The following NOMO1 variants were observed in gnomAD, a reference collection of about 807,000 sequenced individuals.
The protein encoded by NOMO1 is NODAL modulator 1, also known as nodal modulator 3.
In NOMO1, 40 loss-of-function variants were observed where a neutral mutation model predicts 133.8. The ratio of observed to expected loss-of-function variants is 0.30; its 90% CI spans 0.23 to 0.39. The LOEUF is 0.39. Among genes scored for constraint, NOMO1 ranks in the 10% least tolerant of loss-of-function variants. The pLI, the probability that NOMO1 is intolerant of heterozygous loss-of-function variation, is 1.00. For missense variants in NOMO1, 462 were observed against 1,419.9 expected, an observed-to-expected ratio of 0.33 and a Z score of 10.84; for synonymous variants, 236 against 570.5, an observed-to-expected ratio of 0.41 and a Z score of 8.36.
At chr16:14,852,723 G>A (rs1455835322) in intron 7 of NOMO1, 141 bp downstream of exon 7, 15 of 1,422,966 alleles carry the variant, frequency 1.1e-5, no homozygotes, top group Middle Eastern at 2.6e-4. Context: ...GTCTCAGGCC[G>A]GGTGTGGTAG....
At chr16:14,877,157 T>TG (rs1353156199) in intron 22 of NOMO1, among the ~76,000 whole-genome samples, 11 of 138,534 alleles carry the variant, frequency 7.9e-5, no homozygotes, top group African/African-American at 1.6e-4. Context: ...ATACTGTTGT[T>TG]TTTTTTTTTT....
intron 4 of NOMO1, among the ~76,000 whole-genome samples, chr16:14,845,534 A>G (rs1963667100): frequency 6.6e-6 from 1 of 151,970 alleles, no homozygotes; most frequent in South Asian, 2.1e-4. Context: ...TTGGACCGCC[A>G]CGGTGGTGTG....
chr16:14,857,706 G>A (rs925184608), intron 11 of NOMO1, 51 bp downstream of exon 11: 12 of 1,612,524 alleles, frequency 7.4e-6, no homozygotes, highest in Non-Finnish European at 9.3e-6. Flanking sequence ...CTGGCAGCCA[G>A]TGTAGAACCG....
intron 1 of NOMO1, among the ~76,000 whole-genome samples, chr16:14,837,621 T>G (rs1050360365): frequency 6.6e-6 from 1 of 151,474 alleles, no homozygotes; most frequent in African/African-American, 2.4e-5. Flanking sequence ...ATTAAGTTTC[T>G]AGATGAATGT....
rs182866351 is a variant in NOMO1 at position 14,887,320 on chromosome 16, G to A, written c.3324+458G>A. Among the ~76,000 whole-genome samples, 1,179 of 150,310 alleles carry A rather than the reference G, an allele frequency of 7.8e-3. 14 individuals carry two copies. Among genetic ancestry groups the A allele is most frequent in the Admixed American group, 0.011 (167 of 15,128 alleles). On this transcript the variant is annotated intron_variant, in intron 28 of 30. Coordinates refer to ENST00000287667, the MANE Select transcript of NOMO1 (RefSeq NM_014287.4). ...TTCTTTTTTTTTTTTTTGAGACGGA[G>A]TCTCGCCTTGTCGCCCAGGCTGGAG...
At chr16:14,840,673 T>C (rs1963592775) in intron 2 of NOMO1, among the ~76,000 whole-genome samples, 1 of 150,044 alleles carries the variant, frequency 6.7e-6, no homozygotes, top group African/African-American at 2.5e-5. Context: ...AGTTAATGTA[T>C]TGTTTAGAGA....
chr16:14,880,067 C>T lies in NOMO1; in HGVS notation c.2810C>T (p.Pro937Leu), dbSNP rs371366723. 4.4e-5 allele frequency: 71 copies of T among 1,610,868 alleles called. No individual in the cohort carries two copies. The highest frequency in any genetic ancestry group is 5.9e-5 in the Non-Finnish European group (70 of 1,179,698). Residue 937 changes from proline to leucine, a missense_variant, in exon 24 of 31, where the codon CCA becomes CTA. By Grantham distance (98) the Pro-to-Leu change is moderately conservative. Coordinates refer to ENST00000287667, the MANE Select transcript of NOMO1 (RefSeq NM_014287.4). ...KPMMKEFRFEPSSQMIEVQEG... is the reference protein window; with the variant it reads ...KPMMKEFRFELSSQMIEVQEG... Reference sequence around the variant, plus strand: ...ATGATGAAGGAGTTCCGGTTTGAGCCATCCTCACAGATGATCGAGGTGCAG... The same window carrying T: ...ATGATGAAGGAGTTCCGGTTTGAGCTATCCTCACAGATGATCGAGGTGCAG...
At chr16:14,888,686 C>T (rs1416286557) in intron 28 of NOMO1, 2 of 301,038 alleles carry the variant, frequency 6.6e-6, no homozygotes, top group African/African-American at 2.2e-5. Flanking sequence ...TGCCAGCTTA[C>T]GAGCCTCTCA....
chr16:14,887,580 G>A (rs528800842), intron 28 of NOMO1, among the ~76,000 whole-genome samples: 8 of 151,816 alleles, frequency 5.3e-5, no homozygotes, highest in Admixed American at 3.9e-4. Flanking sequence ...GATTACAGGC[G>A]TGAGCCCCCG....
chr16:14,885,669 C>T (rs1222164206), intron 27 of NOMO1, among the ~76,000 whole-genome samples: 9 of 150,694 alleles, frequency 6.0e-5, no homozygotes, highest in Admixed American at 6.6e-5. Flanking sequence ...GGGTGGGGGG[C>T]AAACTGGGGA....
At chr16:14,866,862 T>C (rs921996951) in intron 15 of NOMO1, among the ~76,000 whole-genome samples, 171 bp downstream of exon 15, 2 of 149,948 alleles carry the variant, frequency 1.3e-5, no homozygotes, top group African/African-American at 5.0e-5. Flanking sequence ...TTATACTCTC[T>C]CAGTGGAAGG....
chr16:14,836,113 A>C lies in NOMO1; in HGVS notation c.165+2097A>C, dbSNP rs138132481. ...AGCCAGCCGATCTTTAGGCTGCCACACTTGGCTTGGGTTTTGTAGTGATCT... is the reference window on the plus strand; with the variant it reads ...AGCCAGCCGATCTTTAGGCTGCCACCCTTGGCTTGGGTTTTGTAGTGATCT... On this transcript the variant is annotated intron_variant, in intron 1 of 30. Transcript: ENST00000287667. 9.4e-3 allele frequency among the ~76,000 whole-genome samples: 1,432 copies of C among 152,178 alleles called. 35 individuals carry two copies. The highest frequency in any genetic ancestry group is 0.031 in the African/African-American group (1,302 of 41,478).
intron 6 of NOMO1, among the ~76,000 whole-genome samples, chr16:14,850,076 T>G (rs575526274): frequency 7.1e-6 from 1 of 141,070 alleles, no homozygotes; most frequent in African/African-American, 2.6e-5. Context: ...GGATACAGTC[T>G]TTTTTTTTTT....
At chr16:14,889,269 C>T (rs1162698880) in intron 29 of NOMO1, 54 bp downstream of exon 29, 22 of 1,611,392 alleles carry the variant, frequency 1.4e-5, no homozygotes, top group Admixed American at 3.3e-5. Context: ...TGGTGGCTCA[C>T]GCCTGTAATC....
intron 11 of NOMO1, 132 bp from the exon 12 acceptor site, chr16:14,862,879 TTC>T (rs1963939789): frequency 6.4e-6 from 6 of 938,134 alleles, no homozygotes; most frequent in Non-Finnish European, 9.8e-6. Flanking sequence ...CTGGACTGCA[TTC>T]TGTCTCTTCA....
chr16:14,855,994 TAAA>T (rs1963828297), intron 9 of NOMO1, among the ~76,000 whole-genome samples: 1 of 151,650 alleles, frequency 6.6e-6, no homozygotes. Flanking sequence ...AATAAAAAAA[TAAA>T]AAAGAAGGGC....
intron 18 of NOMO1, among the ~76,000 whole-genome samples, chr16:14,873,473 A>C (rs1375462029): frequency 7.0e-6 from 1 of 143,858 alleles, no homozygotes; most frequent in African/African-American, 2.5e-5. Context: ...ATGGCACTAA[A>C]GTGACCACTG....
chr16:14,888,639 C>T (rs991097082), intron 28 of NOMO1: 2 of 287,678 alleles, frequency 7.0e-6, no homozygotes, highest in African/African-American at 4.5e-5. Context: ...TGTGGCTGCC[C>T]CTGGTGCCGT....
At position 14,845,949 on chromosome 16, in the gene NOMO1, C is replaced by T. The variant is rs1157060880; in HGVS notation, c.403-628C>T. 4.0e-5 allele frequency among the ~76,000 whole-genome samples: 6 copies of T among 151,406 alleles called. No individual in the cohort carries two copies. In the East Asian group the frequency reaches 1.2e-3, roughly 29 times the overall value. ...TCGAGCAATTCTCCTGCCTCAGCCT[C>T]CCCAGTAGCTGGGATTACAGGCGTG... is the stretch of plus-strand genomic sequence containing the variant. On this transcript the variant is annotated intron_variant, in intron 4 of 30. Transcript: ENST00000287667.
Sources: gnomAD v4.1 joint callset for allele counts (sites outside exome capture counted in the v4.1 genomes callset) on GRCh38, gnomAD v4.1.1 for gene constraint, MANE v1.5 for transcripts, NCBI Gene and HGNC (gene_info 2026-07-23, HGNC 2026-07-21) for gene names.